HDAC4: variants seen among roughly 807,000 people sequenced by gnomAD.
HDAC4 encodes the protein histone deacetylase A.
HDAC4 carries 16 observed loss-of-function variants against 135.1 expected under a neutral mutation model. That is an observed-to-expected ratio of 0.12 (90% confidence interval 0.08 to 0.18). The LOEUF is 0.18. HDAC4 is among the 10% of genes least tolerant of loss of function. The pLI is 1.00. For missense variants in HDAC4, 1,143 were observed against 1,511.8 expected (o/e 0.76, Z 4.05); for synonymous variants, 685 against 653.4 (o/e 1.05, Z -0.74).
intron 3 of HDAC4, among the ~76,000 whole-genome samples, chr2:239,208,536 C>T (rs1454434425): frequency 2.0e-5 from 3 of 151,906 alleles, no homozygotes; most frequent in Non-Finnish European, 4.4e-5. Flanking sequence ...TTAAAAGGTC[C>T]CAGCAAATAT....
intron 2 of HDAC4, among the ~76,000 whole-genome samples, chr2:239,301,684 A>G (rs1350994759): frequency 6.6e-6 from 1 of 151,954 alleles, no homozygotes. Flanking sequence ...AGGTGTTCCT[A>G]TGTTGTCCAG....
intron 24 of HDAC4, among the ~76,000 whole-genome samples, chr2:239,057,728 T>G (rs2032091599): frequency 6.6e-6 from 1 of 152,198 alleles, no homozygotes; most frequent in Non-Finnish European, 1.5e-5. Flanking sequence ...CTGGGGAAGT[T>G]GACCACATGA....
intron 2 of HDAC4, among the ~76,000 whole-genome samples, chr2:239,280,025 C>T (rs1166657026): frequency 1.3e-5 from 2 of 152,158 alleles, no homozygotes; most frequent in Non-Finnish European, 2.9e-5. Context: ...GAGGACAGCA[C>T]CCCCCAACCC....
chr2:239,300,881 C>T (rs1360911269), intron 2 of HDAC4, among the ~76,000 whole-genome samples: 5 of 152,238 alleles, frequency 3.3e-5, no homozygotes, highest in Non-Finnish European at 7.3e-5. Context: ...ATCGTGTCCA[C>T]GCAGTGCCAG....
chr2:239,130,692 G>A (rs529852028), intron 11 of HDAC4, among the ~76,000 whole-genome samples: 6 of 152,214 alleles, frequency 3.9e-5, no homozygotes, highest in Middle Eastern at 6.8e-3. Context: ...CAGCTCCGAC[G>A]CCACTGCTCC....
Position 239,061,347 on chromosome 2 carries a change from A to C in HDAC4, c.3003+5375T>G, listed in dbSNP as rs114473850. ...ACAAGAGGGCATACCTGTGTGGTGC[A>C]TGTGATGTGTGAGACTGTGGTACCT... On this transcript the variant is annotated intron_variant, in intron 24 of 26. Coordinates refer to ENST00000543185, the MANE Select transcript of HDAC4 (RefSeq NM_001378414.1). Among the ~76,000 whole-genome samples, 1,141 of 147,058 alleles carry C rather than the reference A, an allele frequency of 7.8e-3. 18 individuals are homozygous for C. Among genetic ancestry groups the C allele is most frequent in the African/African-American group, 0.027 (1,078 of 39,424 alleles).
rs556397052 is a variant in HDAC4 at position 239,321,104 on chromosome 2, G to A, written c.22+31574C>T. ...TTAAACCTATGTTTACAAACAAAATGTGCTTATAACGTTTGCTTTATTATT... is the reference window on the plus strand; with the variant it reads ...TTAAACCTATGTTTACAAACAAAATATGCTTATAACGTTTGCTTTATTATT... On this transcript the variant is annotated intron_variant, in intron 2 of 26. Transcript: ENST00000543185. 2.0e-5 allele frequency among the ~76,000 whole-genome samples: 3 copies of A among 152,172 alleles called. No individual in the cohort carries two copies. The East Asian group carries it at 5.8e-4, about 29-fold the overall frequency.
chr2:239,316,039 T>A (rs1383087103), intron 2 of HDAC4, among the ~76,000 whole-genome samples: 2 of 152,136 alleles, frequency 1.3e-5, no homozygotes, highest in Non-Finnish European at 2.9e-5. Flanking sequence ...ACAAACTGTG[T>A]GAACAGAGAC....
At chr2:239,367,104 G>A (rs754928284) in intron 1 of HDAC4, among the ~76,000 whole-genome samples, 2 of 152,150 alleles carry the variant, frequency 1.3e-5, no homozygotes, top group Non-Finnish European at 2.9e-5. Flanking sequence ...ACAGAAACCC[G>A]TTTCTAAAAC....
At chr2:239,151,986 CAGTT>C (rs113472642) in intron 7 of HDAC4, among the ~76,000 whole-genome samples, 13,167 of 152,176 alleles carry the variant, frequency 0.087, 615 homozygotes, top group East Asian at 0.18. Flanking sequence ...GGCTGGACAA[CAGTT>C]AGTTAGTTGT....
At chr2:239,142,951 G>A (rs1001780932) in intron 8 of HDAC4, among the ~76,000 whole-genome samples, 15 of 149,314 alleles carry the variant, frequency 1.0e-4, no homozygotes, top group Middle Eastern at 7.3e-3. Flanking sequence ...CACTGATCAC[G>A]CCCTGTGACG....
intron 7 of HDAC4, among the ~76,000 whole-genome samples, chr2:239,148,231 G>GA (rs1479663688): frequency 6.6e-5 from 10 of 152,126 alleles, no homozygotes; most frequent in African/African-American, 2.4e-4. Flanking sequence ...TATTAAAGAG[G>GA]ATAAAGACAA....
At chr2:239,304,790 C>T (rs2052479800) in intron 2 of HDAC4, among the ~76,000 whole-genome samples, 1 of 152,094 alleles carries the variant, frequency 6.6e-6, no homozygotes, top group Admixed American at 6.5e-5. Context: ...ACGCTATGGA[C>T]GCTGACTGTC....
intron 2 of HDAC4, among the ~76,000 whole-genome samples, chr2:239,287,168 C>T (rs2051186808): frequency 6.6e-6 from 1 of 152,192 alleles, no homozygotes; most frequent in Admixed American, 6.5e-5. Flanking sequence ...TGAACTGCAG[C>T]CGTGCCTGGA....
At chr2:239,122,414 T>A (rs1193704799) in intron 12 of HDAC4, among the ~76,000 whole-genome samples, 5 of 152,198 alleles carry the variant, frequency 3.3e-5, no homozygotes, top group Non-Finnish European at 7.3e-5. Flanking sequence ...AGTCCGGACG[T>A]GGCCAGCGAA....
intron 6 of HDAC4, chr2:239,162,011 G>A (rs998304166): frequency 5.5e-5 from 23 of 417,706 alleles, no homozygotes; most frequent in South Asian, 3.1e-4. Flanking sequence ...TCGGCCCCCC[G>A]TCCACTGTCC....
At position 239,053,054 on chromosome 2, in the gene HDAC4, G is replaced by A; in HGVS notation, c.*43C>T. The A allele has an allele frequency of 6.2e-7, 1 of 1,611,534 alleles. No individual in the cohort carries two copies. Among genetic ancestry groups the A allele is most frequent in the Non-Finnish European group, 8.5e-7 (1 of 1,177,568 alleles). ...GGAAAGTTTCTTGGCTGAGCTTCAA[G>A]ACAGAGACAGACAGACAAGAGAACA... is the stretch of plus-strand genomic sequence containing the variant. On this transcript the variant is annotated 3_prime_UTR_variant, in exon 27 of 27. Transcript: ENST00000543185.
intron 12 of HDAC4, among the ~76,000 whole-genome samples, chr2:239,120,404 C>CAGG (rs2039556409): frequency 9.3e-6 from 1 of 107,744 alleles, no homozygotes; most frequent in Non-Finnish European, 1.9e-5. Context: ...CGCACACAGA[C>CAGG]ACACACACAC....
At chr2:239,297,007 C>G (rs1329530012) in intron 2 of HDAC4, among the ~76,000 whole-genome samples, 4 of 139,838 alleles carry the variant, frequency 2.9e-5, no homozygotes, top group African/African-American at 5.3e-5. Context: ...ATAAAACTCC[C>G]ATTTCTGTTT....
Sources: allele counts gnomAD v4.1 joint callset (sites outside exome capture counted in the v4.1 genomes callset), GRCh38; gene constraint gnomAD v4.1.1; transcripts MANE v1.5; gene names NCBI Gene and HGNC (gene_info 2026-07-23, HGNC 2026-07-21).